Variants in DDX50 observed in about 807,000 individuals in gnomAD.
DDX50 encodes ATP-dependent RNA helicase DDX50.
DDX50 carries 56 observed loss-of-function variants against 94.8 expected under a neutral mutation model. The ratio of observed to expected loss-of-function variants is 0.59; its 90% CI spans 0.48 to 0.74. DDX50 has a LOEUF of 0.74. Ranked by LOEUF, DDX50 falls within the 30% of genes least tolerant of loss-of-function variation. DDX50 has a pLI of 0.00. For missense variants in DDX50, 713 were observed against 881.2 expected (o/e 0.81, Z 2.42); for synonymous variants, 264 against 295.4 (o/e 0.89, Z 1.09).
chr10:68,911,765 G>C (rs1225736714), intron 4 of DDX50: 2 of 152,300 alleles, frequency 1.3e-5, no homozygotes, highest in African/African-American at 2.4e-5. Context: ...AGCACACACA[G>C]ATGGACTTTT....
At chr10:68,924,147 T>A (rs180810586) in intron 8 of DDX50, among the ~76,000 whole-genome samples, 182 of 151,668 alleles carry the variant, frequency 1.2e-3, no homozygotes, top group African/African-American at 4.1e-3. Flanking sequence ...AATTTTTGTA[T>A]TTTTTGTAGA....
In DDX50 at chr10:68,934,687, A is replaced by C; in HGVS notation, c.1402-112A>C. The C allele has an allele frequency of 7.8e-7, 1 of 1,282,052 alleles. No homozygotes were observed. Among genetic ancestry groups the C allele is most frequent in the Non-Finnish European group, 1.1e-6 (1 of 950,996 alleles). 79.4% of individuals were successfully genotyped at this position (1,282,052 alleles called of 1,614,324 possible). ...CACATATAAATTGTTTGGAATGTTG[A>C]AAAGGGCAACAGGATTGAAATAAAT... is the stretch of plus-strand genomic sequence containing the variant. On this transcript the variant is annotated intron_variant, in intron 9 of 14. Transcript: ENST00000373585. The surrounding 1 kb of genome is among the most constrained non-coding windows in gnomAD (Gnocchi z 4.0).
chr10:68,904,316 A>G (rs1019275847), intron 1 of DDX50, among the ~76,000 whole-genome samples: 4 of 152,274 alleles, frequency 2.6e-5, no homozygotes, highest in African/African-American at 7.2e-5. Flanking sequence ...TCTCAAAAAA[A>G]CAAAACTGAA....
intron 13 of DDX50, among the ~76,000 whole-genome samples, chr10:68,942,638 G>C (rs1372957806): frequency 6.6e-6 from 1 of 150,576 alleles, no homozygotes; most frequent in Non-Finnish European, 1.5e-5. Flanking sequence ...TTTTGAGACA[G>C]GGTCTCACCC....
intron 7 of DDX50, among the ~76,000 whole-genome samples, chr10:68,915,787 C>T (rs966476366): frequency 6.6e-5 from 10 of 151,822 alleles, no homozygotes; most frequent in Admixed American, 1.3e-4. Context: ...GGTAACATGT[C>T]ATCTTTCTAT....
intron 8 of DDX50, among the ~76,000 whole-genome samples, chr10:68,930,315 A>G (rs1278559850): frequency 1.3e-5 from 2 of 149,758 alleles, no homozygotes; most frequent in African/African-American, 2.5e-5. Flanking sequence ...ACGGGGTTTC[A>G]CCACATTGGC....
rs192132652 is a variant in DDX50, at chr10:68,902,033, T to G, written c.87+562T>G. 1.1e-4 allele frequency among the ~76,000 whole-genome samples: 16 copies of G among 152,046 alleles called. No homozygotes were observed. In the East Asian group the frequency reaches 2.9e-3, roughly 28 times the overall value. ...TTATTAATAGCCTTTACTGTCAGTATTTTCATTCAATCCGCAGGTGTTTAT... is the reference window on the plus strand; with the variant it reads ...TTATTAATAGCCTTTACTGTCAGTAGTTTCATTCAATCCGCAGGTGTTTAT... On this transcript the variant is annotated intron_variant, in intron 1 of 14. Coordinates refer to ENST00000373585, the MANE Select transcript of DDX50 (RefSeq NM_024045.2).
chr10:68,919,458 A>AT (rs1490290126), intron 7 of DDX50, among the ~76,000 whole-genome samples: 2 of 151,974 alleles, frequency 1.3e-5, no homozygotes, highest in Admixed American at 1.3e-4. Flanking sequence ...CCACTGTTTG[A>AT]TTTTTCTTCC....
intron 7 of DDX50, among the ~76,000 whole-genome samples, chr10:68,918,124 C>T (rs1227467153): frequency 6.6e-6 from 1 of 151,932 alleles, no homozygotes; most frequent in African/African-American, 2.4e-5. Flanking sequence ...GGCGTTTCAC[C>T]ACGTTGGCCA....
At chr10:68,919,498 C>T (rs1194497352) in intron 7 of DDX50, among the ~76,000 whole-genome samples, 1 of 152,160 alleles carries the variant, frequency 6.6e-6, no homozygotes, top group Non-Finnish European at 1.5e-5. Context: ...TATTCTAGAA[C>T]TTCATATAAA....
At chr10:68,929,292 C>CCTTCCTTCCTTCCTCTCT (rs1554836333) in intron 8 of DDX50, among the ~76,000 whole-genome samples, 1 of 122,546 alleles carries the variant, frequency 8.2e-6, no homozygotes, top group Non-Finnish European at 1.8e-5. Flanking sequence ...TTCCTTCCTT[C>CCTTCCTTCCTTCCTCTCT]CTCTCTCTCT....
chr10:68,916,064 A>C (rs764374806), intron 7 of DDX50, among the ~76,000 whole-genome samples: 4 of 152,124 alleles, frequency 2.6e-5, no homozygotes, highest in Non-Finnish European at 4.4e-5. Flanking sequence ...TGGTAAAAAG[A>C]AGCTTTGTGG....
At chr10:68,904,109 A>T (rs1477652055) in intron 1 of DDX50, among the ~76,000 whole-genome samples, 1 of 151,626 alleles carries the variant, frequency 6.6e-6, no homozygotes, top group Non-Finnish European at 1.5e-5. Flanking sequence ...ACGTCATTGC[A>T]CACCAATCTG....
intron 10 of DDX50, among the ~76,000 whole-genome samples, 161 bp from the exon 11 acceptor site, chr10:68,935,844 AC>A (rs1231048302): frequency 1.3e-5 from 2 of 152,186 alleles, no homozygotes; most frequent in African/African-American, 4.8e-5. Flanking sequence ...CAAAACAAAA[AC>A]AAAAACAAAA....
chr10:68,906,931 A>T lies in DDX50; in HGVS notation c.308A>T (p.Glu103Val), dbSNP rs1222447876. The T allele has an allele frequency of 4.4e-6, 7 of 1,601,076 alleles. No homozygotes were observed. Among genetic ancestry groups the T allele is most frequent in the Non-Finnish European group, 3.4e-6 (4 of 1,177,166 alleles). Residue 103 changes from glutamate (E) to valine (V), a missense_variant, in exon 2 of 15, where the codon GAA becomes GTA. Around this residue, in one of 2 missense-constraint regions of DDX50, gnomAD observed 285 missense variants for 278.9 expected, o/e 1.02. Transcript: ENST00000373585. ...RKDLPNGDID[E>V]YEKKSKRVSS... ...GATCTACCAAATGGAGATATAGATG[A>T]ATATGAAAAAAAATCAAAGCGAGTA...
chr10:68,918,149 C>T (rs1026180084), intron 7 of DDX50, among the ~76,000 whole-genome samples: 15 of 152,070 alleles, frequency 9.9e-5, no homozygotes, highest in Non-Finnish European at 1.5e-5. Flanking sequence ...GGTTCAAACT[C>T]CTGACCTCAG....
chr10:68,946,066 T>C (rs1186207570), intron 14 of DDX50, among the ~76,000 whole-genome samples: 1 of 151,926 alleles, frequency 6.6e-6, no homozygotes, highest in African/African-American at 2.4e-5. Flanking sequence ...TAGAATTTAT[T>C]TAGAATGTAT....
chr10:68,906,587 C>G, intron 1 of DDX50, 124 bp from the exon 2 acceptor site: 1 of 1,020,788 alleles, frequency 9.8e-7, no homozygotes, highest in Admixed American at 2.7e-5. Flanking sequence ...GGATTTCTAC[C>G]AGGCAGGTTT....
intron 12 of DDX50, among the ~76,000 whole-genome samples, chr10:68,939,480 A>G (rs772298438): frequency 6.6e-5 from 10 of 152,158 alleles, no homozygotes; most frequent in Non-Finnish European, 1.5e-4. Flanking sequence ...AGTCTTTATC[A>G]GGAATGTCCT....
Sources: gnomAD v4.1 joint callset for allele counts (sites outside exome capture counted in the v4.1 genomes callset) on GRCh38, gnomAD v4.1.1 for gene constraint, gnomAD v4.1.1 regional missense constraint, Gnocchi (gnomAD v3.1) non-coding constraint, MANE v1.5 for transcripts, NCBI Gene and HGNC (gene_info 2026-07-23, HGNC 2026-07-21) for gene names.